The following ASTN2 variants were observed in gnomAD, a reference collection of about 807,000 sequenced individuals.
The protein encoded by ASTN2 is astrotactin 2, also known as astrotactin-2.
ASTN2 carries 54 observed loss-of-function variants against 139.8 expected under a neutral mutation model. The ratio of observed to expected loss-of-function variants is 0.39; its 90% CI spans 0.31 to 0.48. ASTN2 has a LOEUF of 0.48. Among genes scored for constraint, ASTN2 ranks in the 20% least tolerant of loss-of-function variants. The probability of loss-of-function intolerance (pLI) is 0.95; values close to 1 mark genes in which losing one functional copy is unlikely to be tolerated. For synonymous variants in ASTN2, 756 were observed against 719.5 expected (o/e 1.05, Z -0.81); for missense variants, 1,565 against 1,725.1 (o/e 0.91, Z 1.64).
intron 19 of ASTN2, among the ~76,000 whole-genome samples, chr9:116,508,885 AG>A (rs1850231831): frequency 6.6e-6 from 1 of 152,188 alleles, no homozygotes; most frequent in South Asian, 2.1e-4. Context: ...ATATTGGGCA[AG>A]GAAGAGGTAG....
At position 117,232,430 on chromosome 9, in the gene ASTN2, C is replaced by T. The variant is rs549929276; in HGVS notation, c.631-17688G>A. Reference sequence around the variant, plus strand: ...TCATTGCTTCTTTTGCCGTAGGAACCAGCTGCCCTCCAAAAGCAGCCTTCT... The same window carrying T: ...TCATTGCTTCTTTTGCCGTAGGAACTAGCTGCCCTCCAAAAGCAGCCTTCT... On this transcript the variant is annotated intron_variant, in intron 2 of 22. Transcript: ENST00000313400. Among the ~76,000 whole-genome samples the T allele has an allele frequency of 2.6e-5, 4 of 152,260 alleles. No individual in the cohort carries two copies. The South Asian group carries it at 8.3e-4, about 32-fold the overall frequency.
At chr9:116,724,296 T>C (rs1828555517) in intron 16 of ASTN2, among the ~76,000 whole-genome samples, 1 of 152,204 alleles carries the variant, frequency 6.6e-6, no homozygotes, top group South Asian at 2.1e-4. Context: ...AAGACTGTCA[T>C]TGACACAGCC....
At chr9:117,231,571 AGTGGAATTT>A (rs577848040) in intron 2 of ASTN2, among the ~76,000 whole-genome samples, 1 of 152,208 alleles carries the variant, frequency 6.6e-6, no homozygotes, top group Non-Finnish European at 1.5e-5. Context: ...CCAAAACAGA[AGTGGAATTT>A]GTGGAATTTG....
intron 17 of ASTN2, among the ~76,000 whole-genome samples, chr9:116,623,147 C>CTGTGTGTGTGTG (rs10527124): frequency 2.2e-5 from 3 of 137,092 alleles, no homozygotes; most frequent in East Asian, 2.2e-4. Flanking sequence ...AGAGCATACT[C>CTGTGTGTGTGTG]TGTGTGTGTG....
chr9:116,659,995 C>T (rs916883339), intron 16 of ASTN2, among the ~76,000 whole-genome samples: 24 of 152,102 alleles, frequency 1.6e-4, no homozygotes, highest in South Asian at 6.2e-4. Context: ...ACAGTACTCA[C>T]GCCTGGACTC....
intron 22 of ASTN2, among the ~76,000 whole-genome samples, chr9:116,428,898 T>A (rs1201651252): frequency 6.6e-6 from 1 of 152,170 alleles, no homozygotes; most frequent in Non-Finnish European, 1.5e-5. Flanking sequence ...TGTCAATAAA[T>A]GTTATCTATG....
intron 19 of ASTN2, among the ~76,000 whole-genome samples, chr9:116,595,255 C>G (rs377251355): frequency 7.2e-5 from 11 of 152,228 alleles, no homozygotes; most frequent in African/African-American, 2.4e-4. Context: ...TTTACACTTC[C>G]CACAATGCTT....
chr9:117,192,326 T>C (rs1301166596), intron 3 of ASTN2, among the ~76,000 whole-genome samples: 2 of 150,856 alleles, frequency 1.3e-5, no homozygotes, highest in African/African-American at 4.9e-5. Context: ...GTACAATTAA[T>C]TGGAGCAAAA....
At chr9:116,506,467 C>A (rs1850113017) in intron 19 of ASTN2, among the ~76,000 whole-genome samples, 2 of 151,472 alleles carry the variant, frequency 1.3e-5, no homozygotes, top group Admixed American at 1.3e-4. Context: ...ACCTCTTAGG[C>A]GGGAAGCCCC....
chr9:116,636,335 T>G (rs982049767), intron 17 of ASTN2, among the ~76,000 whole-genome samples: 1 of 152,222 alleles, frequency 6.6e-6, no homozygotes, highest in Non-Finnish European at 1.5e-5. Flanking sequence ...ATAGCCTCTG[T>G]GCTTTCTAAC....
intron 4 of ASTN2, among the ~76,000 whole-genome samples, chr9:117,115,765 C>T (rs1429602523): frequency 1.3e-5 from 2 of 151,960 alleles, no homozygotes; most frequent in Non-Finnish European, 1.5e-5. Flanking sequence ...GTGGCTCACA[C>T]CTGTAATCCC....
intron 16 of ASTN2, among the ~76,000 whole-genome samples, chr9:116,652,349 TA>T (rs1215049412): frequency 8.5e-5 from 13 of 152,126 alleles, no homozygotes; most frequent in African/African-American, 3.1e-4. Context: ...GAAAAATAAA[TA>T]AATTAATTAA....
At chr9:116,923,619 C>T (rs1834674132) in intron 10 of ASTN2, among the ~76,000 whole-genome samples, 1 of 152,160 alleles carries the variant, frequency 6.6e-6, no homozygotes, top group African/African-American at 2.4e-5. Flanking sequence ...TCAGCTTTTA[C>T]CCCTGGAGAT....
intron 7 of ASTN2, among the ~76,000 whole-genome samples, chr9:116,990,897 T>C (rs1304295879): frequency 6.6e-6 from 1 of 152,170 alleles, no homozygotes; most frequent in Non-Finnish European, 1.5e-5. Context: ...GAGAGTGTGA[T>C]GGGCTGTTCA....
At position 116,699,731 on chromosome 9, in the gene ASTN2, G is replaced by A. The variant is rs1861080099; in HGVS notation, c.2806+26040C>T. 1.9e-6 allele frequency: 3 copies of A among 1,614,080 alleles called. No homozygotes were observed. Among genetic ancestry groups the A allele is most frequent in the Non-Finnish European group, 1.7e-6 (2 of 1,180,010 alleles). ...GGATGAGAAATTATCAGTTTCTTCT[G>A]CTCCCAAGCCAACTTCCCTTCCCTT... On this transcript the variant is annotated intron_variant, in intron 16 of 22. Coordinates refer to ENST00000313400, the MANE Select transcript of ASTN2 (RefSeq NM_001365068.1). This position sits in a 1 kb window ranked among gnomAD's most constrained non-coding sequence, Gnocchi z 4.2.
At chr9:117,120,641 A>G (rs1829535102) in intron 4 of ASTN2, among the ~76,000 whole-genome samples, 1 of 152,190 alleles carries the variant, frequency 6.6e-6, no homozygotes, top group South Asian at 2.1e-4. Flanking sequence ...CCCCAAATGT[A>G]GAATTGACAC....
Position 117,162,164 on chromosome 9 carries a change from T to A in ASTN2, c.1016-20686A>T, listed in dbSNP as rs1028579068. ...GTTAGTAAACTATTAAACTTTTCTA[T>A]CCTATCAGGGGAAGAACAGGTAACT... is the stretch of plus-strand genomic sequence containing the variant. On this transcript the variant is annotated intron_variant, in intron 3 of 22. Transcript: ENST00000313400. 3.3e-5 allele frequency among the ~76,000 whole-genome samples: 5 copies of A among 152,062 alleles called. No individual in the cohort carries two copies. The South Asian group carries it at 1.0e-3, about 31-fold the overall frequency.
At chr9:116,762,015 T>C (rs1829685864) in intron 13 of ASTN2, among the ~76,000 whole-genome samples, 1 of 152,198 alleles carries the variant, frequency 6.6e-6, no homozygotes, top group South Asian at 2.1e-4. Context: ...GTCTGGTCTG[T>C]GGCTTTGCAT....
chr9:117,127,658 T>A, intron 4 of ASTN2, among the ~76,000 whole-genome samples: 1 of 149,362 alleles, frequency 6.7e-6, no homozygotes, highest in East Asian at 2.0e-4. Context: ...AGTTAGGGTT[T>A]TTTTTTTGTT....
Sources: gnomAD v4.1 joint callset for allele counts (sites outside exome capture counted in the v4.1 genomes callset) on GRCh38, gnomAD v4.1.1 for gene constraint, Gnocchi (gnomAD v3.1) non-coding constraint, MANE v1.5 for transcripts, NCBI Gene and HGNC (gene_info 2026-07-23, HGNC 2026-07-21) for gene names.